CPNE8: variants seen among roughly 807,000 people sequenced by gnomAD.
CPNE8 encodes copine 8.
A neutral mutation model predicts 81.5 loss-of-function variants in CPNE8; 45 were observed. The ratio of observed to expected loss-of-function variants is 0.55; its 90% CI spans 0.44 to 0.71. The LOEUF is 0.71. Among genes scored for constraint, CPNE8 ranks in the 30% least tolerant of loss-of-function variants. The probability of loss-of-function intolerance (pLI) is 0.00; values close to 1 mark genes in which losing one functional copy is unlikely to be tolerated. For missense variants in CPNE8, 594 were observed against 672.1 expected, an observed-to-expected ratio of 0.88 and a Z score of 1.28; for synonymous variants, 252 against 226.3, an observed-to-expected ratio of 1.11 and a Z score of -1.02.
chr12:38,757,421 T>C (rs1941483476), intron 10 of CPNE8, among the ~76,000 whole-genome samples: 1 of 151,988 alleles, frequency 6.6e-6, no homozygotes, highest in South Asian at 2.1e-4. Flanking sequence ...ATAAGCTTCA[T>C]ATCAATTTGT....
chr12:38,679,399 C>T (rs1002750159), intron 16 of CPNE8, among the ~76,000 whole-genome samples: 2 of 151,776 alleles, frequency 1.3e-5, no homozygotes, highest in East Asian at 1.9e-4. Flanking sequence ...CTTGGAATTT[C>T]GCTGAAGTTT....
intron 6 of CPNE8, among the ~76,000 whole-genome samples, chr12:38,827,991 A>G (rs1006810274): frequency 6.6e-6 from 1 of 152,216 alleles, no homozygotes; most frequent in Non-Finnish European, 1.5e-5. Flanking sequence ...ACAAATAAAT[A>G]AATGAATAAG....
chr12:38,678,928 G>T (rs1443831329), intron 16 of CPNE8, among the ~76,000 whole-genome samples: 2 of 151,662 alleles, frequency 1.3e-5, no homozygotes, highest in Non-Finnish European at 3.0e-5. Flanking sequence ...CACAACCAGT[G>T]GAAAACAATC....
chr12:38,803,635 A>G (rs938466251), intron 6 of CPNE8, among the ~76,000 whole-genome samples: 1 of 146,168 alleles, frequency 6.8e-6, no homozygotes, highest in African/African-American at 2.5e-5. Flanking sequence ...CCTATTCAAC[A>G]TAGTGTTGGA....
chr12:38,752,055 T>G, intron 10 of CPNE8, among the ~76,000 whole-genome samples: 1 of 152,244 alleles, frequency 6.6e-6, no homozygotes, highest in East Asian at 1.9e-4. Context: ...TAACAAATAT[T>G]TATACTCTTT....
intron 7 of CPNE8, among the ~76,000 whole-genome samples, chr12:38,770,921 C>G (rs1163721411): frequency 6.6e-6 from 1 of 152,164 alleles, no homozygotes; most frequent in African/African-American, 2.4e-5. Context: ...TGTCACATAT[C>G]ATGACATATA....
chr12:38,876,507 C>T (rs1464839325), intron 1 of CPNE8, among the ~76,000 whole-genome samples: 1 of 152,200 alleles, frequency 6.6e-6, no homozygotes, highest in African/African-American at 2.4e-5. Flanking sequence ...GCCACTGCAC[C>T]CCGCTGAGAT....
chr12:38,730,896 T>C (rs1291239849), intron 10 of CPNE8, among the ~76,000 whole-genome samples: 2 of 151,844 alleles, frequency 1.3e-5, no homozygotes, highest in Non-Finnish European at 2.9e-5. Context: ...AATAACAACA[T>C]GTTAATTCAG....
intron 16 of CPNE8, among the ~76,000 whole-genome samples, chr12:38,681,161 AAATTT>A (rs1939401498): frequency 6.6e-6 from 1 of 152,080 alleles, no homozygotes; most frequent in East Asian, 1.9e-4. Flanking sequence ...CCAACAAATT[AAATTT>A]ATTTCAAATT....
intron 6 of CPNE8, among the ~76,000 whole-genome samples, chr12:38,810,501 A>G (rs958694875): frequency 6.6e-6 from 1 of 152,058 alleles, no homozygotes; most frequent in Non-Finnish European, 1.5e-5. Context: ...TAAGCTGAGT[A>G]TTTCCCAACT....
chr12:38,737,866 AC>A (rs1431944693), intron 10 of CPNE8, among the ~76,000 whole-genome samples: 1 of 151,652 alleles, frequency 6.6e-6, no homozygotes, highest in African/African-American at 2.4e-5. Context: ...ACAACACAAA[AC>A]CCCCAGCGTG....
intron 6 of CPNE8, among the ~76,000 whole-genome samples, chr12:38,825,420 G>A (rs1943173032): frequency 6.6e-6 from 1 of 152,166 alleles, no homozygotes; most frequent in South Asian, 2.1e-4. Context: ...AGTTAGCAAG[G>A]ATGAATGTGG....
intron 7 of CPNE8, among the ~76,000 whole-genome samples, chr12:38,770,208 C>T (rs146427232): frequency 2.6e-5 from 4 of 152,298 alleles, no homozygotes; most frequent in South Asian, 2.1e-4. Flanking sequence ...GAACATCTAA[C>T]GTCTATCCAT....
chr12:38,728,036 A>G (rs192968479), intron 11 of CPNE8, among the ~76,000 whole-genome samples: 1 of 152,338 alleles, frequency 6.6e-6, no homozygotes, highest in Non-Finnish European at 1.5e-5. Flanking sequence ...AAGAATAACA[A>G]TTTTATAGAA....
chr12:38,660,341 C>A (rs1359244363), intron 19 of CPNE8, among the ~76,000 whole-genome samples: 1 of 151,074 alleles, frequency 6.6e-6, no homozygotes, highest in Non-Finnish European at 1.5e-5. Context: ...CTTTGACAAA[C>A]CTGACAAAAA....
At chr12:38,703,541 T>C (rs1179898655) in intron 13 of CPNE8, among the ~76,000 whole-genome samples, 1 of 152,130 alleles carries the variant, frequency 6.6e-6, no homozygotes, top group East Asian at 1.9e-4. Context: ...TCTTGAGAAC[T>C]GGAACAAGTC....
At chr12:38,885,584 G>A (rs1312054863) in intron 1 of CPNE8, among the ~76,000 whole-genome samples, 5 of 152,066 alleles carry the variant, frequency 3.3e-5, no homozygotes, top group African/African-American at 4.8e-5. Flanking sequence ...ACGAAAACAA[G>A]GGCAGAAATA....
chr12:38,808,101 C>G (rs1436722426), intron 6 of CPNE8, among the ~76,000 whole-genome samples: 1 of 151,966 alleles, frequency 6.6e-6, no homozygotes, highest in Non-Finnish European at 1.5e-5. Flanking sequence ...AGTCAGGAAA[C>G]AACAGGTGCT....
At position 38,905,564 on chromosome 12, in the gene CPNE8, G is replaced by A; in HGVS notation, c.-30C>T. ...GGAGGAGGCGCCTTGGACTTGTCCG[G>A]CGCCCACAACCACAGCTCGGGCGGA... On this transcript the variant is annotated 5_prime_UTR_variant, in exon 1 of 20. Transcript: ENST00000331366. The A allele has an allele frequency of 6.5e-7, 1 of 1,547,624 alleles. No individual in the cohort carries two copies.
Sources: allele counts gnomAD v4.1 joint callset (sites outside exome capture counted in the v4.1 genomes callset), GRCh38; gene constraint gnomAD v4.1.1; transcripts MANE v1.5; gene names NCBI Gene and HGNC (gene_info 2026-07-23, HGNC 2026-07-21).